Variants in COL22A1 observed in about 807,000 individuals in gnomAD.
The protein encoded by COL22A1 is collagen type XXII alpha 1 chain.
In COL22A1, 221 loss-of-function variants were observed where a neutral mutation model predicts 248.9. The observed-to-expected ratio is 0.89, with a 90% CI of 0.80 to 0.99. COL22A1 has a LOEUF of 0.99. Ranked by LOEUF, COL22A1 falls within the 50% of genes least tolerant of loss-of-function variation. The pLI is 0.00. For missense variants in COL22A1, 2,240 were observed against 2,179.0 expected (o/e 1.03, Z -0.56); for synonymous variants, 891 against 793.4 (o/e 1.12, Z -2.07).
intron 47 of COL22A1, among the ~76,000 whole-genome samples, chr8:138,642,997 C>G (rs1350205420): frequency 6.6e-6 from 1 of 151,134 alleles, no homozygotes; most frequent in Admixed American, 6.6e-5. Context: ...CCACTGCGCT[C>G]CAGCCTGGGC....
chr8:138,664,209 G>GCGCGCGCACACA (rs1440442280), intron 41 of COL22A1, among the ~76,000 whole-genome samples: 128 of 103,200 alleles, frequency 1.2e-3, no homozygotes, highest in East Asian at 3.9e-3. Flanking sequence ...GCGCGCGCGC[G>GCGCGCGCACACA]CACACACACA....
At chr8:138,723,610 C>T (rs530549105) in intron 25 of COL22A1, among the ~76,000 whole-genome samples, 1 of 152,302 alleles carries the variant, frequency 6.6e-6, no homozygotes, top group African/African-American at 2.4e-5. Flanking sequence ...CAGATGATCC[C>T]GTCACTCATG....
chr8:138,684,137 C>T (rs1482711095), intron 39 of COL22A1, among the ~76,000 whole-genome samples: 1 of 151,862 alleles, frequency 6.6e-6, no homozygotes, highest in Non-Finnish European at 1.5e-5. Context: ...GGTGGTGCAT[C>T]CCTGTAGTCC....
At chr8:138,615,954 C>T (rs749114879) in intron 55 of COL22A1, 47 bp downstream of exon 55, 9 of 1,469,258 alleles carry the variant, frequency 6.1e-6, no homozygotes, top group African/African-American at 4.2e-5. Context: ...CCTTGATACA[C>T]CCACCCCCAG....
chr8:138,781,805 C>T (rs113805165), intron 12 of COL22A1, among the ~76,000 whole-genome samples: 5 of 152,330 alleles, frequency 3.3e-5, no homozygotes, highest in African/African-American at 9.6e-5. Context: ...CCCAGCTCTC[C>T]GTCAGTGTCT....
intron 56 of COL22A1, among the ~76,000 whole-genome samples, chr8:138,611,831 T>A (rs111998066): frequency 6.6e-6 from 1 of 152,190 alleles, no homozygotes; most frequent in African/African-American, 2.4e-5. Context: ...ACACACCCCC[T>A]CTCTAGGATC....
chr8:138,643,755 A>G (rs1341865391), intron 47 of COL22A1, among the ~76,000 whole-genome samples: 2 of 152,052 alleles, frequency 1.3e-5, no homozygotes, highest in Admixed American at 6.6e-5. Context: ...GCTGGAGTGC[A>G]GTGTCACAAT....
intron 10 of COL22A1, among the ~76,000 whole-genome samples, chr8:138,803,141 C>T (rs951645838): frequency 2.0e-5 from 3 of 152,180 alleles, no homozygotes; most frequent in Non-Finnish European, 4.4e-5. Context: ...CCAGGAACCA[C>T]GGACTTCTTG....
chr8:138,911,848 G>A (rs1370649677), intron 1 of COL22A1, among the ~76,000 whole-genome samples: 1 of 152,186 alleles, frequency 6.6e-6, no homozygotes, highest in African/African-American at 2.4e-5. Context: ...AAGGATGCAT[G>A]GATCCCTGGG....
chr8:138,639,470 A>C (rs985721299), intron 47 of COL22A1, among the ~76,000 whole-genome samples: 11 of 152,178 alleles, frequency 7.2e-5, no homozygotes, highest in African/African-American at 2.7e-4. Context: ...TATAACAATC[A>C]ATGAAACAGA....
chr8:138,622,680 A>G lies in COL22A1; in HGVS notation c.3771+1052T>C, dbSNP rs147181722. On this transcript the variant is annotated intron_variant, in intron 52 of 64. Coordinates refer to ENST00000303045, the MANE Select transcript of COL22A1 (RefSeq NM_152888.3). The stretch of plus-strand genomic sequence containing the variant: ...TCCTTTAGATAAACACTAGAAAAAG[A>G]TAGGCCCACAACTATTTTTACACAA... Among the ~76,000 whole-genome samples the G allele has an allele frequency of 1.7e-4, 26 of 152,298 alleles. No homozygotes were observed. The East Asian group carries it at 5.0e-3, about 29-fold the overall frequency.
At chr8:138,766,565 A>C (rs1251725495) in intron 16 of COL22A1, among the ~76,000 whole-genome samples, 7 of 152,162 alleles carry the variant, frequency 4.6e-5, no homozygotes. Flanking sequence ...AGAGAGACAG[A>C]AAAAGACAGA....
chr8:138,778,393 G>A lies in COL22A1; in HGVS notation c.1718C>T (p.Pro573Leu). The A allele has an allele frequency of 3.1e-6, 5 of 1,602,934 alleles. No homozygotes were observed. In the South Asian group the frequency reaches 3.4e-5, roughly 11 times the overall value. The change falls in exon 15 of 65, where the codon CCA becomes CTA. Residue 573 changes from proline to leucine, a missense_variant. Transcript: ENST00000303045. ...GEVGMRGPQGPPGLPGPPGRV... is the reference protein window; with the variant it reads ...GEVGMRGPQGLPGLPGPPGRV... ...TCCAGGAGGTCCGGGGAGTCCAGGT[G>A]GTCCTTGGGGCCCCTGCAGAAGAGC...
chr8:138,834,222 C>T (rs553053752), intron 4 of COL22A1, among the ~76,000 whole-genome samples: 79 of 152,104 alleles, frequency 5.2e-4, no homozygotes, highest in African/African-American at 1.8e-3. Context: ...AGGCACCAGG[C>T]TGAACTCACC....
chr8:138,686,760 T>C (rs1268154093), intron 37 of COL22A1, among the ~76,000 whole-genome samples: 1 of 152,190 alleles, frequency 6.6e-6, no homozygotes, highest in Non-Finnish European at 1.5e-5. Flanking sequence ...TTAGTCCTCC[T>C]AAGAGGCCAT....
At chr8:138,787,869 C>T (rs866328667) in intron 12 of COL22A1, among the ~76,000 whole-genome samples, 3 of 152,202 alleles carry the variant, frequency 2.0e-5, no homozygotes, top group African/African-American at 7.2e-5. Context: ...CATCTCCTCT[C>T]ACCCACTTGT....
intron 16 of COL22A1, among the ~76,000 whole-genome samples, chr8:138,770,943 G>A (rs1834315859): frequency 6.6e-6 from 1 of 152,180 alleles, no homozygotes; most frequent in Non-Finnish European, 1.5e-5. Flanking sequence ...ACCTTTCTAA[G>A]CCTTTTGTAA....
chr8:138,691,406 TATGTGTGCACGTCC>T (rs889502754), intron 35 of COL22A1, among the ~76,000 whole-genome samples: 1 of 151,802 alleles, frequency 6.6e-6, no homozygotes, highest in African/African-American at 2.4e-5. Context: ...GAGGTATGTG[TATGTGTGCACGTCC>T]ATGTGTGCAC....
At chr8:138,772,330 T>C (rs921391908) in intron 16 of COL22A1, among the ~76,000 whole-genome samples, 4 of 151,954 alleles carry the variant, frequency 2.6e-5, no homozygotes, top group Non-Finnish European at 4.4e-5. Flanking sequence ...TCTACATATG[T>C]GTGTGGGGGT....
Sources: gnomAD v4.1 joint callset for allele counts (sites outside exome capture counted in the v4.1 genomes callset) on GRCh38, gnomAD v4.1.1 for gene constraint, MANE v1.5 for transcripts, NCBI Gene and HGNC (gene_info 2026-07-23, HGNC 2026-07-21) for gene names.